The following ARHGEF6 variants were observed in gnomAD, a reference collection of about 807,000 sequenced individuals.
ARHGEF6 encodes Rac/Cdc42 guanine nucleotide exchange factor 6, also known as rho guanine nucleotide exchange factor 6.
A neutral mutation model predicts 70.3 loss-of-function variants in ARHGEF6; 9 were observed. The ratio of observed to expected loss-of-function variants is 0.13; its 90% CI spans 0.08 to 0.22. The LOEUF (loss-of-function observed/expected upper bound fraction) is 0.22. ARHGEF6 is among the 10% of genes least tolerant of loss of function. The probability of loss-of-function intolerance (pLI) is 1.00; values close to 1 mark genes in which losing one functional copy is unlikely to be tolerated. For synonymous variants in ARHGEF6, 201 were observed against 207.8 expected, an observed-to-expected ratio of 0.97 and a Z score of 0.28; for missense variants, 470 against 563.0, an observed-to-expected ratio of 0.83 and a Z score of 1.67.
chrX:136,688,133 T>G, intron 10 of ARHGEF6, 142 bp from the exon 11 acceptor site: 1 of 504,658 alleles, frequency 2.0e-6, no homozygotes, highest in Non-Finnish European at 3.6e-6. Flanking sequence ...ATTTTAATTG[T>G]GGTCATGGTA....
At chrX:136,731,185 T>G (rs1435034280) in intron 6 of ARHGEF6, among the ~76,000 whole-genome samples, 1 of 112,408 alleles carries the variant, frequency 8.9e-6, no homozygotes, top group African/African-American at 3.2e-5. Context: ...TATTCTCTAT[T>G]GCTCATGTCA....
chrX:136,684,455 G>A (rs1342497390), intron 12 of ARHGEF6, among the ~76,000 whole-genome samples: 1 of 111,720 alleles, frequency 9.0e-6, no homozygotes, highest in African/African-American at 3.3e-5. Context: ...TTGGGAGAAG[G>A]AAGACAATTC....
rs377303308 is a variant in ARHGEF6, at chrX:136,668,176, T to C, written c.2191-7A>G. ...GCTTCATTCTTTTATTTTCCTATGA[T>C]GGGGAAAGATTTGTTGATTATCAAA... On this transcript the variant is annotated splice_polypyrimidine_tract_variant and splice_region_variant and intron_variant, in intron 21 of 21. Transcript: ENST00000250617. 2.5e-6 allele frequency: 3 copies of C among 1,209,239 alleles called. No individual in the cohort carries two copies. The highest frequency in any genetic ancestry group is 3.5e-5 in the African/African-American group (2 of 57,041).
chrX:136,712,258 A>G (rs1261404277), intron 7 of ARHGEF6, among the ~76,000 whole-genome samples: 1 of 110,777 alleles, frequency 9.0e-6, no homozygotes, highest in African/African-American at 3.3e-5. Flanking sequence ...ACAGGCTTGC[A>G]CTACCACGCC....
intron 6 of ARHGEF6, among the ~76,000 whole-genome samples, chrX:136,724,538 AGGAGTGCAGT>A (rs1435446873): frequency 9.1e-6 from 1 of 110,185 alleles, no homozygotes; most frequent in Non-Finnish European, 1.9e-5. Flanking sequence ...TCACCCAAGG[AGGAGTGCAGT>A]GGTGCTATCT....
intron 11 of ARHGEF6, among the ~76,000 whole-genome samples, chrX:136,686,594 G>GTATATA (rs770923374): frequency 0.024 from 1,370 of 57,019 alleles, 20 homozygotes; most frequent in Admixed American, 0.034. Flanking sequence ...GTATGTGTGT[G>GTATATA]TATATATATA....
In ARHGEF6 at chrX:136,669,310, A is replaced by G. The variant is rs140196380; in HGVS notation, c.2190+172T>C. On this transcript the variant is annotated intron_variant, in intron 21 of 21. Coordinates refer to ENST00000250617, the MANE Select transcript of ARHGEF6 (RefSeq NM_004840.3). Reference sequence around the variant, plus strand: ...AAATACAAGCAAGCCTCGGAAATTTAAATTCAAGGCTTACATGATAAAATC... The same window carrying G: ...AAATACAAGCAAGCCTCGGAAATTTGAATTCAAGGCTTACATGATAAAATC... Among the ~76,000 whole-genome samples, 109 of 112,104 alleles carry G rather than the reference A, an allele frequency of 9.7e-4. 1 individual carries two copies. The highest frequency in any genetic ancestry group is 4.6e-3 in the Middle Eastern group (1 of 217).
At position 136,676,646 on chromosome X, in the gene ARHGEF6, C is replaced by T; in HGVS notation, c.1923G>A (p.Glu641=). 5 of 1,206,585 alleles carry T rather than the reference C, an allele frequency of 4.1e-6. No homozygotes were observed. Among genetic ancestry groups the T allele is most frequent in the Non-Finnish European group, 5.6e-6 (5 of 890,698 alleles). Residue 641 remains glutamate, a synonymous_variant, in exon 18 of 22, where the codon GAG becomes GAA. Coordinates refer to ENST00000250617, the MANE Select transcript of ARHGEF6 (RefSeq NM_004840.3). ...HKRKTERKPS[E]EEYVIRKSTA... ...TACTTTTCCTAATCACATATTCCTC[C>T]TCCGATGGTTTTCTCTCAGTCTTCC...
intron 10 of ARHGEF6, 131 bp from the exon 11 acceptor site, chrX:136,688,122 T>C: frequency 1.9e-6 from 1 of 522,777 alleles, no homozygotes; most frequent in Non-Finnish European, 3.5e-6. Flanking sequence ...AACTGTTCTG[T>C]ATTTTAATTG....
At chrX:136,686,600 A>G (rs1291014983) in intron 11 of ARHGEF6, among the ~76,000 whole-genome samples, 1 of 74,846 alleles carries the variant, frequency 1.3e-5, no homozygotes, top group Non-Finnish European at 2.3e-5. Flanking sequence ...GTGTGTATAT[A>G]TATATATATA....
intron 6 of ARHGEF6, among the ~76,000 whole-genome samples, chrX:136,717,578 C>CTTAT (rs1221424161): frequency 9.0e-6 from 1 of 111,650 alleles, no homozygotes; most frequent in Non-Finnish European, 1.9e-5. Context: ...AAACTTTTTT[C>CTTAT]TTATTTTTAA....
At chrX:136,767,975 C>T (rs1386652800) in intron 2 of ARHGEF6, among the ~76,000 whole-genome samples, 1 of 112,688 alleles carries the variant, frequency 8.9e-6, no homozygotes, top group Non-Finnish European at 1.9e-5. Context: ...CTGCCGGTGC[C>T]TGGCATGTTG....
chrX:136,769,692 A>G (rs1250238344), intron 2 of ARHGEF6, among the ~76,000 whole-genome samples: 5 of 111,304 alleles, frequency 4.5e-5, no homozygotes, highest in Admixed American at 2.9e-4. Context: ...GGTGTCCCCA[A>G]CTCTCAGCAA....
chrX:136,765,846 C>T (rs752215056), intron 2 of ARHGEF6, among the ~76,000 whole-genome samples: 15 of 112,258 alleles, frequency 1.3e-4, no homozygotes, highest in Non-Finnish European at 2.6e-4. Flanking sequence ...TACAAGGGCA[C>T]GGGGAGTTTC....
chrX:136,779,973 A>T (rs1385967523), intron 1 of ARHGEF6, among the ~76,000 whole-genome samples: 1 of 112,317 alleles, frequency 8.9e-6, no homozygotes, highest in Non-Finnish European at 1.9e-5. Context: ...TATTTGCTCA[A>T]TAAAAATACA....
intron 3 of ARHGEF6, 104 bp from the exon 4 acceptor site, chrX:136,745,451 G>A: frequency 1.0e-6 from 1 of 1,002,532 alleles, no homozygotes; most frequent in Non-Finnish European, 1.4e-6. Flanking sequence ...CATCCTGGCT[G>A]TAATTCTAAC....
chrX:136,685,330 G>A (rs191667379), intron 12 of ARHGEF6, among the ~76,000 whole-genome samples: 2 of 111,627 alleles, frequency 1.8e-5, no homozygotes, highest in East Asian at 5.6e-4. Context: ...TGCAACTTGT[G>A]TTTTAGTCTG....
At chrX:136,740,734 G>A (rs2077033627) in intron 5 of ARHGEF6, among the ~76,000 whole-genome samples, 1 of 111,901 alleles carries the variant, frequency 8.9e-6, no homozygotes, top group Admixed American at 9.4e-5. Context: ...GTCAAAGTGA[G>A]GGTGTGCTGT....
At chrX:136,765,642 G>A (rs751552371) in intron 2 of ARHGEF6, among the ~76,000 whole-genome samples, 11 of 112,735 alleles carry the variant, frequency 9.8e-5, no homozygotes, top group Admixed American at 2.8e-4. Flanking sequence ...TCCATAAAAT[G>A]TGCCACATAA....
Sources: allele counts gnomAD v4.1 joint callset (sites outside exome capture counted in the v4.1 genomes callset), GRCh38; gene constraint gnomAD v4.1.1; transcripts MANE v1.5; gene names NCBI Gene and HGNC (gene_info 2026-07-23, HGNC 2026-07-21).